ELP4: variants seen among roughly 807,000 people sequenced by gnomAD.
ELP4 encodes the protein elongator complex protein 4.
In ELP4, 51 loss-of-function variants were observed where a neutral mutation model predicts 48.9. That is an observed-to-expected ratio of 1.04 (90% CI 0.83 to 1.32). The LOEUF is 1.32. Among genes scored for constraint, ELP4 ranks in the 40% most tolerant of loss-of-function variants. The pLI is 0.00. For missense variants in ELP4, 519 were observed against 514.6 expected (o/e 1.01, Z -0.08); for synonymous variants, 210 against 189.2 (o/e 1.11, Z -0.90).
intron 3 of ELP4, among the ~76,000 whole-genome samples, chr11:31,546,918 A>G (rs963587416): frequency 3.3e-5 from 5 of 152,224 alleles, no homozygotes; most frequent in East Asian, 1.9e-4. Context: ...GCAGAAATAA[A>G]GATGTTCTTT....
At chr11:31,688,051 G>C (rs1054083936) in intron 9 of ELP4, among the ~76,000 whole-genome samples, 1 of 152,296 alleles carries the variant, frequency 6.6e-6, no homozygotes, top group African/African-American at 2.4e-5. Flanking sequence ...GAGGCCATCT[G>C]TTAAAGCTTC....
At chr11:31,567,672 G>T (rs1460875542) in intron 3 of ELP4, among the ~76,000 whole-genome samples, 7 of 152,124 alleles carry the variant, frequency 4.6e-5, no homozygotes, top group Non-Finnish European at 1.0e-4. Context: ...GATAATGCAG[G>T]TTTGATTCCA....
intron 6 of ELP4, among the ~76,000 whole-genome samples, chr11:31,630,993 G>C (rs1292516473): frequency 6.6e-6 from 1 of 152,006 alleles, no homozygotes; most frequent in Non-Finnish European, 1.5e-5. Flanking sequence ...TAAGTAATGT[G>C]TGTGTCTTGT....
At chr11:31,685,410 A>G (rs1262787397) in intron 9 of ELP4, among the ~76,000 whole-genome samples, 15 of 152,148 alleles carry the variant, frequency 9.9e-5, no homozygotes, top group Admixed American at 9.8e-4. Flanking sequence ...ATCTAAAGTT[A>G]CTGAATAATT....
intron 9 of ELP4, among the ~76,000 whole-genome samples, chr11:31,716,650 G>A (rs1946847522): frequency 6.6e-6 from 1 of 152,178 alleles, no homozygotes; most frequent in Admixed American, 6.5e-5. Context: ...TTGCAATATA[G>A]ATGATTTACG....
chr11:31,578,518 G>A (rs901765811), intron 3 of ELP4, among the ~76,000 whole-genome samples: 7 of 152,178 alleles, frequency 4.6e-5, no homozygotes, highest in Non-Finnish European at 8.8e-5. Flanking sequence ...TGCGGGCATC[G>A]TGCTACCTGA....
chr11:31,581,857 A>G (rs567000753), intron 3 of ELP4, among the ~76,000 whole-genome samples: 19 of 151,902 alleles, frequency 1.3e-4, no homozygotes, highest in Non-Finnish European at 2.2e-4. Context: ...GGCCTCAAGC[A>G]ATGCTCCCAC....
intron 9 of ELP4, chr11:31,714,776 T>C (rs1432272391): frequency 7.5e-6 from 3 of 398,430 alleles, no homozygotes; most frequent in East Asian, 3.6e-5. Context: ...GCGAGCAACA[T>C]TGGGTTTGAG....
At chr11:31,700,181 A>G (rs1275855075) in intron 9 of ELP4, among the ~76,000 whole-genome samples, 1 of 151,962 alleles carries the variant, frequency 6.6e-6, no homozygotes, top group African/African-American at 2.4e-5. Flanking sequence ...AGAAAAGACT[A>G]ATTATGGGTA....
chr11:31,606,740 G>T (rs1030002476), intron 5 of ELP4, among the ~76,000 whole-genome samples: 9 of 152,108 alleles, frequency 5.9e-5, no homozygotes, highest in Non-Finnish European at 5.9e-5. Context: ...TGTTTACTTT[G>T]ACTTTGTTTT....
chr11:31,689,937 A>G (rs1337188515), intron 9 of ELP4, among the ~76,000 whole-genome samples: 1 of 152,150 alleles, frequency 6.6e-6, no homozygotes, highest in Non-Finnish European at 1.5e-5. Context: ...TTAGCAAACA[A>G]TACTCTGTTC....
At chr11:31,702,180 C>T (rs928831687) in intron 9 of ELP4, among the ~76,000 whole-genome samples, 2 of 152,004 alleles carry the variant, frequency 1.3e-5, no homozygotes, top group African/African-American at 4.8e-5. Context: ...GTGCCACACA[C>T]CTGACCCAGC....
At chr11:31,524,010 G>T (rs1382919961) in intron 2 of ELP4, among the ~76,000 whole-genome samples, 1 of 151,784 alleles carries the variant, frequency 6.6e-6, no homozygotes, top group Non-Finnish European at 1.5e-5. Flanking sequence ...AAAATAATAG[G>T]TGACATTTAT....
intron 9 of ELP4, among the ~76,000 whole-genome samples, chr11:31,693,003 G>A (rs887453353): frequency 6.6e-6 from 1 of 152,072 alleles, no homozygotes; most frequent in Admixed American, 6.6e-5. Context: ...GACCACAAGT[G>A]TCTTGTTTAT....
At chr11:31,723,808 C>G (rs970822702) in intron 9 of ELP4, among the ~76,000 whole-genome samples, 4 of 152,122 alleles carry the variant, frequency 2.6e-5, no homozygotes, top group African/African-American at 9.7e-5. Flanking sequence ...AAAAGCAGAT[C>G]ATATTTATAA....
At chr11:31,531,555 A>G (rs1956396114) in intron 2 of ELP4, among the ~76,000 whole-genome samples, 3 of 152,196 alleles carry the variant, frequency 2.0e-5, no homozygotes, top group Admixed American at 2.0e-4. Flanking sequence ...CAGAGTTGTG[A>G]AGGAATTTAT....
At chr11:31,627,397 A>G (rs1226411693) in intron 6 of ELP4, among the ~76,000 whole-genome samples, 1 of 152,046 alleles carries the variant, frequency 6.6e-6, no homozygotes, top group Non-Finnish European at 1.5e-5. Context: ...CTAAGTTCTC[A>G]GTGGAGGCAC....
At chr11:31,752,416 A>G (rs1302668917) in intron 9 of ELP4, among the ~76,000 whole-genome samples, 1 of 152,164 alleles carries the variant, frequency 6.6e-6, no homozygotes, top group East Asian at 1.9e-4. Context: ...TTAATGATAA[A>G]TTTTTGGAAA....
At chr11:31,750,142 G>A (rs1052203538) in intron 9 of ELP4, among the ~76,000 whole-genome samples, 3 of 152,066 alleles carry the variant, frequency 2.0e-5, no homozygotes, top group Admixed American at 6.6e-5. Flanking sequence ...GGGACTATAG[G>A]TGTGAGCCAC....
Sources: allele counts gnomAD v4.1 joint callset (sites outside exome capture counted in the v4.1 genomes callset), GRCh38; gene constraint gnomAD v4.1.1; transcripts MANE v1.5; gene names NCBI Gene and HGNC (gene_info 2026-07-23, HGNC 2026-07-21).